Variants in SGCZ observed in about 807,000 individuals in gnomAD.
SGCZ encodes the protein sarcoglycan zeta.
In SGCZ, 40 loss-of-function variants were observed where a neutral mutation model predicts 41.3. That is an observed-to-expected ratio of 0.97 (90% CI 0.75 to 1.26). The LOEUF is 1.26. Among genes scored for constraint, SGCZ ranks in the 50% most tolerant of loss-of-function variants. The pLI is 0.00. For synonymous variants in SGCZ, 206 were observed against 137.5 expected, an observed-to-expected ratio of 1.50 and a Z score of -3.49; for missense variants, 552 against 369.8, an observed-to-expected ratio of 1.49 and a Z score of -4.04.
At chr8:14,759,478 G>C (rs1799792546) in intron 1 of SGCZ, among the ~76,000 whole-genome samples, 3 of 152,220 alleles carry the variant, frequency 2.0e-5, no homozygotes, top group South Asian at 2.1e-4. Flanking sequence ...CTTTTGGAAA[G>C]ACAACTTATT....
chr8:15,074,383 C>A (rs1231691474), intron 1 of SGCZ, among the ~76,000 whole-genome samples: 1 of 152,150 alleles, frequency 6.6e-6, no homozygotes, highest in East Asian at 1.9e-4. Context: ...GTTACAGTTA[C>A]AACTCATTAT....
At chr8:14,659,820 C>T (rs1054530942) in intron 1 of SGCZ, among the ~76,000 whole-genome samples, 1 of 152,130 alleles carries the variant, frequency 6.6e-6, no homozygotes, top group Non-Finnish European at 1.5e-5. Flanking sequence ...AAATAGGATA[C>T]CTGCATGTGT....
At chr8:14,292,826 G>C (rs549910549) in intron 3 of SGCZ, among the ~76,000 whole-genome samples, 56 of 142,946 alleles carry the variant, frequency 3.9e-4, no homozygotes, top group African/African-American at 1.4e-3. Flanking sequence ...AATAAACAAT[G>C]CATTATGTTA....
intron 1 of SGCZ, among the ~76,000 whole-genome samples, chr8:14,694,650 A>G (rs1157652998): frequency 6.6e-6 from 1 of 152,186 alleles, no homozygotes; most frequent in Non-Finnish European, 1.5e-5. Context: ...ACACTCCCAC[A>G]TCTAACACGG....
At chr8:14,798,631 C>A (rs1801215430) in intron 1 of SGCZ, among the ~76,000 whole-genome samples, 1 of 152,080 alleles carries the variant, frequency 6.6e-6, no homozygotes, top group Non-Finnish European at 1.5e-5. Context: ...CCACTTAAAC[C>A]ATTATTAAGT....
At chr8:14,486,544 A>C (rs1801680418) in intron 2 of SGCZ, among the ~76,000 whole-genome samples, 1 of 152,220 alleles carries the variant, frequency 6.6e-6, no homozygotes, top group Non-Finnish European at 1.5e-5. Flanking sequence ...ACTTAGGATT[A>C]ACTGCACTTC....
intron 1 of SGCZ, among the ~76,000 whole-genome samples, chr8:14,652,085 G>A (rs998475545): frequency 4.0e-5 from 6 of 151,854 alleles, no homozygotes; most frequent in African/African-American, 9.7e-5. Context: ...ATGCTTTTCT[G>A]ATCTCTCAAT....
intron 2 of SGCZ, among the ~76,000 whole-genome samples, chr8:14,398,783 T>C (rs1798990452): frequency 6.6e-6 from 1 of 152,142 alleles, no homozygotes; most frequent in Non-Finnish European, 1.5e-5. Flanking sequence ...ATTGATGTTT[T>C]ATGGCTACCT....
At chr8:14,364,324 C>T (rs1412011240) in intron 2 of SGCZ, among the ~76,000 whole-genome samples, 3 of 152,080 alleles carry the variant, frequency 2.0e-5, no homozygotes, top group Non-Finnish European at 4.4e-5. Context: ...AAAAATGATG[C>T]TGAACATTTT....
chr8:14,492,523 C>CCAATTATTTACTCCT (rs1801869863), intron 2 of SGCZ, among the ~76,000 whole-genome samples: 1 of 152,188 alleles, frequency 6.6e-6, no homozygotes, highest in South Asian at 2.1e-4. Context: ...TAAATAAGGC[C>CCAATTATTTACTCCT]CAATTATTTA....
intron 2 of SGCZ, among the ~76,000 whole-genome samples, chr8:14,377,928 A>G (rs371940437): frequency 0.35 from 51,354 of 146,424 alleles, 9,986 homozygotes; most frequent in African/African-American, 0.52. Flanking sequence ...CCAGTCTATC[A>G]TCGTTGGACA....
At position 15,237,670 on chromosome 8, in the gene SGCZ, A is replaced by T; in HGVS notation, c.-47T>A. ...GAGAGGAACCGGGCGAGTGGCACCC[A>T]AAAACAATCTAGTCTTTTAGTTTCC... On this transcript the variant is annotated 5_prime_UTR_variant, in exon 1 of 8. Transcript: ENST00000382080. The T allele has an allele frequency of 6.4e-7, 1 of 1,552,906 alleles. No individual in the cohort carries two copies. Among genetic ancestry groups the T allele is most frequent in the Non-Finnish European group, 8.7e-7 (1 of 1,144,610 alleles).
At chr8:14,561,956 CTGGTAAATTT>C (rs1804219539) in intron 1 of SGCZ, among the ~76,000 whole-genome samples, 1 of 152,042 alleles carries the variant, frequency 6.6e-6, no homozygotes, top group African/African-American at 2.4e-5. Flanking sequence ...GGTTAGTTTG[CTGGTAAATTT>C]AAAAACACAG....
chr8:15,191,246 C>G (rs963617985), intron 1 of SGCZ, among the ~76,000 whole-genome samples: 8 of 151,990 alleles, frequency 5.3e-5, no homozygotes, highest in Non-Finnish European at 8.8e-5. Flanking sequence ...TTGTTCAAGA[C>G]TGAAAAATTC....
intron 1 of SGCZ, among the ~76,000 whole-genome samples, chr8:14,702,774 T>C (rs943656783): frequency 4.4e-5 from 6 of 136,408 alleles, no homozygotes; most frequent in East Asian, 2.1e-4. Flanking sequence ...GATAGATAGA[T>C]AGATAGACAG....
intron 2 of SGCZ, among the ~76,000 whole-genome samples, chr8:14,538,916 A>C (rs1403620095): frequency 6.6e-6 from 1 of 151,960 alleles, no homozygotes; most frequent in African/African-American, 2.4e-5. Flanking sequence ...TTAGAAAGCT[A>C]TTTAAATTAC....
intron 1 of SGCZ, among the ~76,000 whole-genome samples, chr8:14,780,687 A>T (rs1585254451): frequency 6.6e-6 from 1 of 152,078 alleles, no homozygotes; most frequent in East Asian, 1.9e-4. Flanking sequence ...TTAAGCTATT[A>T]AAAAAAATTT....
intron 1 of SGCZ, among the ~76,000 whole-genome samples, chr8:15,050,321 A>G (rs555492947): frequency 6.6e-6 from 1 of 152,172 alleles, no homozygotes; most frequent in South Asian, 2.1e-4. Context: ...TGTAGTTCAG[A>G]GGAGAGGTTT....
intron 2 of SGCZ, among the ~76,000 whole-genome samples, chr8:14,330,868 G>A (rs1802293935): frequency 6.6e-6 from 1 of 151,866 alleles, no homozygotes; most frequent in African/African-American, 2.4e-5. Context: ...TCTGATGAAT[G>A]ATTTATCACT....
Sources: allele counts gnomAD v4.1 joint callset (sites outside exome capture counted in the v4.1 genomes callset), GRCh38; gene constraint gnomAD v4.1.1; transcripts MANE v1.5; gene names NCBI Gene and HGNC (gene_info 2026-07-23, HGNC 2026-07-21).